The following GBP3 variants were observed in gnomAD, a reference collection of about 807,000 sequenced individuals.
GBP3 encodes guanylate binding protein 3, also known as guanylate-binding protein 3.
GBP3 carries 55 observed loss-of-function variants against 62.4 expected under a neutral mutation model. The observed-to-expected ratio is 0.88, with a 90% CI of 0.71 to 1.10. The LOEUF is 1.10. Among genes scored for constraint, GBP3 ranks in the 50% least tolerant of loss-of-function variants. The probability of loss-of-function intolerance (pLI) is 0.00; values close to 1 mark genes in which losing one functional copy is unlikely to be tolerated. For missense variants in GBP3, 605 were observed against 690.6 expected, an observed-to-expected ratio of 0.88 and a Z score of 1.39; for synonymous variants, 208 against 259.2, an observed-to-expected ratio of 0.80 and a Z score of 1.90.
In GBP3 at chr1:89,013,395, G is replaced by A; in HGVS notation, c.658C>T (p.Pro220Ser). Residue 220 changes from proline to serine, a missense_variant, in exon 6 of 11, where the codon CCC becomes TCC. This residue lies in a region of GBP3 where 308 missense variants were observed against 318.0 expected (regional missense o/e 0.97). Transcript: ENST00000370481. ...AAGAACTTCCGGATACAGAGTCGGG[G>A]CAGATTAAAATTTTTATCTTTTTGA... is the stretch of plus-strand genomic sequence containing the variant. ...TSQKDKNFNL[P>S]RLCIRKFFPK... is the part of the protein sequence containing the mutation. 4.3e-6 allele frequency: 7 copies of A among 1,612,294 alleles called. No homozygotes were observed. The highest frequency in any genetic ancestry group is 5.9e-6 in the Non-Finnish European group (7 of 1,179,420).
At chr1:89,017,023 T>C (rs1358276401) in intron 2 of GBP3, among the ~76,000 whole-genome samples, 3 of 152,192 alleles carry the variant, frequency 2.0e-5, no homozygotes, top group East Asian at 1.9e-4. Flanking sequence ...AACTTTCATA[T>C]GAAATTTCAA....
Position 89,013,751 on chromosome 1 carries a change from GTAAATACAGAA to G in GBP3, c.625+321_626-325del, listed in dbSNP as rs1240524753. ...ATCCATTGTCCTTCATATTTTACAG[GTAAATACAGAA>G]TCACGAACCCTACATAAGGAGATAA... On this transcript the variant is annotated intron_variant, in intron 5 of 10. Transcript: ENST00000370481. The G allele has an allele frequency of 3.0e-5, 12 of 399,358 alleles. No individual in the cohort carries two copies. The East Asian group carries it at 5.7e-4, about 19-fold the overall frequency. The allele number at this position is 399,358 out of a possible 1,614,324, so 24.7% of individuals were successfully genotyped here.
At chr1:89,018,894 C>T (rs746698393) in intron 2 of GBP3, among the ~76,000 whole-genome samples, 7 of 152,190 alleles carry the variant, frequency 4.6e-5, no homozygotes, top group African/African-American at 1.4e-4. Context: ...CTCGACCTGC[C>T]GGTCTGCCTG....
At chr1:89,016,254 TC>T (rs2101153096) in intron 2 of GBP3, among the ~76,000 whole-genome samples, 1 of 152,294 alleles carries the variant, frequency 6.6e-6, no homozygotes, top group Admixed American at 6.5e-5. Flanking sequence ...ACGCCTGTAA[TC>T]CCAGCACTTT....
At position 89,014,394 on chromosome 1, in the gene GBP3, A is replaced by G. The variant is rs748653620; in HGVS notation, c.429-115T>C. The G allele has an allele frequency of 1.3e-5, 20 of 1,594,704 alleles. No individual in the cohort carries two copies. The African/African-American group carries it at 2.7e-4, about 21-fold the overall frequency. ...TGATCCTAACCTAAGTGTCAATTCT[A>G]AAGTGGATACATGGGATCTCTCCTC... On this transcript the variant is annotated intron_variant, in intron 4 of 10. Transcript: ENST00000370481.
chr1:89,015,630 A>G (rs567310845), intron 2 of GBP3, among the ~76,000 whole-genome samples: 1 of 152,098 alleles, frequency 6.6e-6, no homozygotes, highest in African/African-American at 2.4e-5. Flanking sequence ...AACAAATTAG[A>G]AATAGAAAAA....
chr1:89,014,593 A>T lies in GBP3; in HGVS notation c.382T>A (p.Tyr128Asn). The T allele has an allele frequency of 1.2e-6, 2 of 1,614,142 alleles. No individual in the cohort carries two copies. Among genetic ancestry groups the T allele is most frequent in the Non-Finnish European group, 8.5e-7 (1 of 1,179,992 alleles). ...LAVLLSSTLV[Y>N]NSMGTINQQA... is the part of the protein sequence containing the mutation. Reference sequence around the variant, plus strand: ...TGGTTGATGGTTCCCATGCTATTGTACACGAGAGTGCTGCTCAGGAGGACG... The same window carrying T: ...TGGTTGATGGTTCCCATGCTATTGTTCACGAGAGTGCTGCTCAGGAGGACG... Residue 128 changes from tyrosine to asparagine, a missense_variant, in exon 4 of 11, where the codon TAC becomes AAC. This residue lies in a region of GBP3 where 308 missense variants were observed against 318.0 expected (regional missense o/e 0.97). Transcript: ENST00000370481.
chr1:89,008,817 C>T lies in GBP3; in HGVS notation c.1659+130G>A, dbSNP rs369099528. ...CCATTTCAAGTCAGACAGACAGAAA[C>T]AAGAAAGTACAAGTGAGCAAGCAAA... is the stretch of plus-strand genomic sequence containing the variant. On this transcript the variant is annotated intron_variant, in intron 10 of 10. Coordinates refer to ENST00000370481, the MANE Select transcript of GBP3 (RefSeq NM_018284.3). 33 of 1,492,156 alleles carry T rather than the reference C, an allele frequency of 2.2e-5. 2 individuals are homozygous for T. Among genetic ancestry groups the T allele is most frequent in the Admixed American group, 4.7e-5 (2 of 42,750 alleles). 92.4% of individuals were successfully genotyped at this position (1,492,156 alleles called of 1,614,324 possible).
At chr1:89,009,354 A>AATT (rs748015277) in intron 9 of GBP3, 38 bp downstream of exon 9, 1 of 1,575,338 alleles carries the variant, frequency 6.3e-7, no homozygotes, top group South Asian at 1.2e-5. Context: ...AAATTTGAAA[A>AATT]GCTTTAGGAT....
chr1:89,007,883 T>C, intron 10 of GBP3, 31 bp from the exon 11 acceptor site: 5 of 1,597,716 alleles, frequency 3.1e-6, no homozygotes, highest in Non-Finnish European at 4.3e-6. Flanking sequence ...GCTAAATAAG[T>C]GTAGCATTAA....
In GBP3 at chr1:89,012,023, T is replaced by C. The variant is rs1027087758; in HGVS notation, c.873A>G (p.Leu291=). 7 of 1,459,652 alleles carry C rather than the reference T, an allele frequency of 4.8e-6. 2 individuals carry two copies. The highest frequency in any genetic ancestry group is 1.4e-5 in the African/African-American group (1 of 73,904). The allele number at this position is 1,459,652 out of a possible 1,614,324, so 90.4% of individuals were successfully genotyped here. A position where few individuals can be genotyped will look rare whatever the true frequency, so the allele number is the denominator to read the frequency against. ...SGGIKVNGPR[L]ESLVLTYINA... is the part of the protein sequence containing the mutation. The stretch of plus-strand genomic sequence containing the variant: ...TGATATAGGTCAGCACTAGGCTCTC[T>C]AGACCTACATACAAAGAAGAAATGA... Residue 291 remains leucine (L), a synonymous_variant, in exon 7 of 11, where the codon CTA becomes CTG. Coordinates refer to ENST00000370481, the MANE Select transcript of GBP3 (RefSeq NM_018284.3).
At position 89,012,970 on chromosome 1, in the gene GBP3, T is replaced by C. The variant is rs183559906; in HGVS notation, c.868+215A>G. Among the ~76,000 whole-genome samples, 315 of 150,930 alleles carry C rather than the reference T, an allele frequency of 2.1e-3. 3 individuals are homozygous for C. Among genetic ancestry groups the C allele is most frequent in the African/African-American group, 7.2e-3 (297 of 41,062 alleles). On this transcript the variant is annotated intron_variant, in intron 6 of 10. Coordinates refer to ENST00000370481, the MANE Select transcript of GBP3 (RefSeq NM_018284.3). ...CTCCTGCCTCAGCCTCCCAAGTAGCTGGGATTACAGGTATGTGCCACCATG... is the reference window on the plus strand; with the variant it reads ...CTCCTGCCTCAGCCTCCCAAGTAGCCGGGATTACAGGTATGTGCCACCATG...
intron 2 of GBP3, among the ~76,000 whole-genome samples, chr1:89,019,028 G>A (rs917587428): frequency 6.6e-5 from 10 of 152,224 alleles, no homozygotes; most frequent in African/African-American, 2.2e-4. Context: ...ATGCTAAATG[G>A]TGCAGTCACT....
At position 89,007,626 on chromosome 1, in the gene GBP3, G is replaced by A; in HGVS notation, c.*98C>T. 2.7e-6 allele frequency: 3 copies of A among 1,127,282 alleles called. No homozygotes were observed. Among genetic ancestry groups the A allele is most frequent in the Non-Finnish European group, 2.6e-6 (2 of 781,170 alleles). The allele number at this position is 1,127,282 out of a possible 1,614,324, so 69.8% of individuals were successfully genotyped here. A position where few individuals can be genotyped will look rare whatever the true frequency, so the allele number is the denominator to read the frequency against. ...TCTTGTAAACTTTTAGTGTTATGAT[G>A]CAAGATCTAATTATTATCAAATATA... is the stretch of plus-strand genomic sequence containing the variant. On this transcript the variant is annotated 3_prime_UTR_variant, in exon 11 of 11. Transcript: ENST00000370481.
At chr1:89,008,868 C>T in intron 10 of GBP3, 79 bp downstream of exon 10, 1 of 1,602,228 alleles carries the variant, frequency 6.2e-7, no homozygotes, top group South Asian at 1.1e-5. Flanking sequence ...TTTATGTTCG[C>T]TCTGCCATAC....
rs1279867306 is a variant in GBP3 at position 89,008,977 on chromosome 1, C to G, written c.1629G>C (p.Glu543Asp). The G allele has an allele frequency of 1.2e-6, 2 of 1,614,054 alleles. No homozygotes were observed. The highest frequency in any genetic ancestry group is 2.7e-5 in the African/African-American group (2 of 74,946). Residue 543 changes from glutamate to aspartate, a missense_variant, in exon 10 of 11, where the codon GAG becomes GAC. Glu to Asp is a conservative substitution (Grantham distance 45, BLOSUM62 2). This residue lies in a region of GBP3 where 160 missense variants were observed against 147.8 expected (regional missense o/e 1.08). Transcript: ENST00000370481. ...MERERAQLLEEQEKTLTSKLQ... is the reference protein window; with the variant it reads ...MERERAQLLEDQEKTLTSKLQ... Reference sequence around the variant, plus strand: ...GTTTACTAGTGAGGGTCTTCTCTTGCTCTTCCAGCAACTGGGCCCTCTCCC... The same window carrying G: ...GTTTACTAGTGAGGGTCTTCTCTTGGTCTTCCAGCAACTGGGCCCTCTCCC...
intron 2 of GBP3, among the ~76,000 whole-genome samples, chr1:89,016,763 TG>T (rs1678910324): frequency 6.6e-6 from 1 of 152,148 alleles, no homozygotes; most frequent in Non-Finnish European, 1.5e-5. Context: ...TTTGTAGAGA[TG>T]GGGTTTCCCC....
intron 4 of GBP3, 57 bp from the exon 5 acceptor site, chr1:89,014,336 G>C: frequency 6.2e-7 from 1 of 1,612,622 alleles, no homozygotes; most frequent in Non-Finnish European, 8.5e-7. Context: ...TCCCATATTA[G>C]TTCAACACAT....
In GBP3 at chr1:89,007,565, A is replaced by G. The variant is rs1005697875; in HGVS notation, c.*159T>C. 19 of 708,290 alleles carry G rather than the reference A, an allele frequency of 2.7e-5. No homozygotes were observed. The highest frequency in any genetic ancestry group is 4.1e-4 in the Middle Eastern group (1 of 2,442). The allele number at this position is 708,290 out of a possible 1,614,324, so 43.9% of individuals were successfully genotyped here. Reference sequence around the variant, plus strand: ...TGTTGCACAATTTACAATCTTTTTAAGGAAAAAACATGATTTTGATCATTG... The same window carrying G: ...TGTTGCACAATTTACAATCTTTTTAGGGAAAAAACATGATTTTGATCATTG... On this transcript the variant is annotated 3_prime_UTR_variant, in exon 11 of 11. Transcript: ENST00000370481.
Sources: gnomAD v4.1 joint callset for allele counts (sites outside exome capture counted in the v4.1 genomes callset) on GRCh38, gnomAD v4.1.1 for gene constraint, gnomAD v4.1.1 regional missense constraint, MANE v1.5 for transcripts, NCBI Gene and HGNC (gene_info 2026-07-23, HGNC 2026-07-21) for gene names.